The following KCNQ5 variants were observed in gnomAD, a reference collection of about 807,000 sequenced individuals.
KCNQ5 encodes potassium voltage-gated channel subfamily KQT member 5.
In KCNQ5, 30 loss-of-function variants were observed where a neutral mutation model predicts 98.2. The ratio of observed to expected loss-of-function variants is 0.31; its 90% confidence interval spans 0.23 to 0.41. The LOEUF (loss-of-function observed/expected upper bound fraction) is 0.41, where lower values mean the gene tolerates loss of function less well. Among genes scored for constraint, KCNQ5 ranks in the 10% least tolerant of loss-of-function variants. The pLI is 1.00. For synonymous variants in KCNQ5, 458 were observed against 449.4 expected (o/e 1.02, Z -0.24); for missense variants, 835 against 1,182.5 (o/e 0.71, Z 4.31).
intron 1 of KCNQ5, among the ~76,000 whole-genome samples, chr6:72,770,969 C>G (rs1189132727): frequency 1.3e-5 from 2 of 152,104 alleles, no homozygotes; most frequent in South Asian, 2.1e-4. Context: ...ATGAAATTCT[C>G]TCAGCCCTCA....
intron 1 of KCNQ5, among the ~76,000 whole-genome samples, chr6:72,933,567 A>G (rs896816335): frequency 6.6e-6 from 1 of 152,200 alleles, no homozygotes; most frequent in African/African-American, 2.4e-5. Context: ...CAGGTAATTC[A>G]TTCTACTTGA....
rs539248488 is a variant in KCNQ5, at chr6:73,153,052, C to A, written c.1469-16694C>A. ...TGCTGGAATAGGAGAGGACCATATG[C>A]CCAGGAGTCTGGGAGAGATTGCACG... is the stretch of plus-strand genomic sequence containing the variant. On this transcript the variant is annotated intron_variant, in intron 10 of 13. Transcript: ENST00000370398. 4.7e-4 allele frequency among the ~76,000 whole-genome samples: 72 copies of A among 152,242 alleles called. 2 individuals are homozygous for A. In the South Asian group the frequency reaches 0.014, roughly 30 times the overall value.
chr6:72,832,085 C>T (rs1776299850), intron 1 of KCNQ5, among the ~76,000 whole-genome samples: 1 of 151,998 alleles, frequency 6.6e-6, no homozygotes, highest in South Asian at 2.1e-4. Flanking sequence ...CAGCAGGTAG[C>T]AGGAAAGACA....
chr6:72,939,523 G>T (rs948404038), intron 1 of KCNQ5, among the ~76,000 whole-genome samples: 2 of 152,110 alleles, frequency 1.3e-5, no homozygotes, highest in Admixed American at 6.5e-5. Context: ...CGTACAAACA[G>T]GTCCTCCTTG....
chr6:72,766,083 TG>T (rs1283422153), intron 1 of KCNQ5, among the ~76,000 whole-genome samples: 9 of 152,030 alleles, frequency 5.9e-5, no homozygotes, highest in Non-Finnish European at 1.5e-5. Flanking sequence ...TTAAGAGTGA[TG>T]GGTCTAATTT....
chr6:72,642,191 A>G (rs1765353987), intron 1 of KCNQ5, among the ~76,000 whole-genome samples: 1 of 148,442 alleles, frequency 6.7e-6, no homozygotes, highest in Admixed American at 6.7e-5. Context: ...TCCCAAATTT[A>G]CAAGTGAAAA....
chr6:72,873,998 CTTAGATATAAG>C (rs1473188046), intron 1 of KCNQ5, among the ~76,000 whole-genome samples: 9 of 151,688 alleles, frequency 5.9e-5, no homozygotes, highest in Admixed American at 2.6e-4. Flanking sequence ...CCTCACTTTA[CTTAGATATAAG>C]TAAAGATTTA....
chr6:72,961,902 T>G (rs1237277284), intron 1 of KCNQ5, among the ~76,000 whole-genome samples: 1 of 151,728 alleles, frequency 6.6e-6, no homozygotes, highest in East Asian at 1.9e-4. Context: ...CAAGGCCAGG[T>G]GGGTTGGCTC....
rs145187317 is a variant in KCNQ5, at chr6:73,012,043, A to G, written c.489+8045A>G. ...GGGACTGTGAAATGCTATAGCCACT[A>G]TGGAAAACAATACAGCTTTTTTTCC... On this transcript the variant is annotated intron_variant, in intron 2 of 13. Coordinates refer to ENST00000370398, the MANE Select transcript of KCNQ5 (RefSeq NM_019842.4). Among the ~76,000 whole-genome samples the G allele has an allele frequency of 4.2e-4, 64 of 152,194 alleles. No homozygotes were observed. In the East Asian group the frequency reaches 8.3e-3, roughly 20 times the overall value.
At chr6:73,129,035 T>C (rs939711062) in intron 9 of KCNQ5, among the ~76,000 whole-genome samples, 5 of 152,318 alleles carry the variant, frequency 3.3e-5, no homozygotes, top group Admixed American at 2.6e-4. Context: ...CAATTTTCTT[T>C]CTTCTGTGTG....
intron 1 of KCNQ5, among the ~76,000 whole-genome samples, chr6:72,782,528 G>A (rs533947036): frequency 6.6e-6 from 1 of 152,248 alleles, no homozygotes; most frequent in South Asian, 2.1e-4. Context: ...AAGTGTTTGT[G>A]GTTGTTGTTT....
At chr6:72,807,391 A>C (rs1382573891) in intron 1 of KCNQ5, among the ~76,000 whole-genome samples, 1 of 152,188 alleles carries the variant, frequency 6.6e-6, no homozygotes, top group African/African-American at 2.4e-5. Context: ...AAGAGGGTTA[A>C]ATTCTATTAA....
chr6:72,997,217 A>C (rs867783034), intron 1 of KCNQ5, among the ~76,000 whole-genome samples: 100 of 152,244 alleles, frequency 6.6e-4, no homozygotes, highest in Non-Finnish European at 1.2e-3. Flanking sequence ...TTCTGGCCAC[A>C]CGAATTTCCT....
At chr6:72,689,815 A>G (rs946810653) in intron 1 of KCNQ5, among the ~76,000 whole-genome samples, 1 of 151,542 alleles carries the variant, frequency 6.6e-6, no homozygotes, top group African/African-American at 2.4e-5. Flanking sequence ...GTGCAACAGG[A>G]AAGTGAAAAA....
intron 9 of KCNQ5, among the ~76,000 whole-genome samples, chr6:73,127,029 A>T (rs1225267394): frequency 6.6e-6 from 1 of 152,200 alleles, no homozygotes; most frequent in Non-Finnish European, 1.5e-5. Flanking sequence ...AATATTATGT[A>T]AGCTTTCACC....
chr6:72,768,019 G>T (rs1772667788), intron 1 of KCNQ5, among the ~76,000 whole-genome samples: 1 of 151,960 alleles, frequency 6.6e-6, no homozygotes, highest in African/African-American at 2.4e-5. Flanking sequence ...GAAAACATAT[G>T]TCCACACAAA....
At chr6:73,090,114 T>C (rs1774174239) in intron 5 of KCNQ5, among the ~76,000 whole-genome samples, 1 of 61,598 alleles carries the variant, frequency 1.6e-5, no homozygotes, top group African/African-American at 2.8e-5. Context: ...TTTGCAGGAC[T>C]AAGGTGGTAT....
At chr6:72,720,653 T>A (rs1421823181) in intron 1 of KCNQ5, among the ~76,000 whole-genome samples, 3 of 152,222 alleles carry the variant, frequency 2.0e-5, no homozygotes, top group Non-Finnish European at 4.4e-5. Context: ...CGGAGTGATA[T>A]GTGAGTCATA....
At chr6:72,975,767 G>A (rs1383799441) in intron 1 of KCNQ5, among the ~76,000 whole-genome samples, 1 of 152,148 alleles carries the variant, frequency 6.6e-6, no homozygotes, top group Non-Finnish European at 1.5e-5. Flanking sequence ...GACAAAATCA[G>A]TAGCAATTCC....
Sources: gnomAD v4.1 joint callset for allele counts (sites outside exome capture counted in the v4.1 genomes callset) on GRCh38, gnomAD v4.1.1 for gene constraint, MANE v1.5 for transcripts, NCBI Gene and HGNC (gene_info 2026-07-23, HGNC 2026-07-21) for gene names.